Variants in MAML1 observed in about 807,000 individuals in gnomAD.
MAML1 encodes the protein mastermind-like protein 1.
Under a neutral mutation model 77.1 loss-of-function variants are expected in MAML1, and 14 were observed. The observed-to-expected ratio is 0.18, with a 90% CI of 0.12 to 0.28. The LOEUF (loss-of-function observed/expected upper bound fraction) is 0.28, where lower values mean the gene tolerates loss of function less well. MAML1 is among the 10% of genes least tolerant of loss of function. The pLI is 1.00. For missense variants in MAML1, 1,217 were observed against 1,327.8 expected (o/e 0.92, Z 1.30); for synonymous variants, 516 against 551.9 (o/e 0.93, Z 0.91).
At chr5:179,752,056 G>A (rs997281934) in intron 1 of MAML1, among the ~76,000 whole-genome samples, 3 of 150,466 alleles carry the variant, frequency 2.0e-5, no homozygotes, top group African/African-American at 7.3e-5. Flanking sequence ...GGCCCAGTGT[G>A]GTGGCTCACA....
intron 1 of MAML1, among the ~76,000 whole-genome samples, chr5:179,745,573 G>A (rs1415984911): frequency 2.0e-5 from 3 of 149,886 alleles, no homozygotes; most frequent in East Asian, 2.0e-4. Context: ...AAAATTAGCC[G>A]GGCGTGGTCA....
intron 1 of MAML1, 92 bp from the exon 2 acceptor site, chr5:179,765,234 G>A (rs903530922): frequency 2.0e-5 from 22 of 1,089,874 alleles, no homozygotes; most frequent in Non-Finnish European, 2.8e-5. Flanking sequence ...ACCCACTGGC[G>A]AGCATTGCAG....
chr5:179,772,998 C>T (rs1756036833), intron 4 of MAML1, among the ~76,000 whole-genome samples: 1 of 152,244 alleles, frequency 6.6e-6, no homozygotes, highest in Admixed American at 6.5e-5. Flanking sequence ...TCAAGCAATT[C>T]TCCTGCCTCA....
At position 179,777,231 on chromosome 5, in the gene MAML1, T is replaced by G; in HGVS notation, c.*2354T>G. 1 of 966,922 alleles carries G rather than the reference T, an allele frequency of 1.0e-6. No individual in the cohort carries two copies. The highest frequency in any genetic ancestry group is 1.2e-6 in the Non-Finnish European group (1 of 812,896). The allele number at this position is 966,922 out of a possible 1,614,324, so 59.9% of individuals were successfully genotyped here. On this transcript the variant is annotated 3_prime_UTR_variant, in exon 5 of 5. Coordinates refer to ENST00000292599, the MANE Select transcript of MAML1 (RefSeq NM_014757.5). ...TCTGGTATACACCAAAAAGAAATCT[T>G]TACTTTCCTTGTTTTATCATTATAA...
intron 1 of MAML1, among the ~76,000 whole-genome samples, chr5:179,747,339 G>T (rs1470817211): frequency 1.3e-5 from 2 of 152,206 alleles, no homozygotes; most frequent in Admixed American, 1.3e-4. Flanking sequence ...ATGGCTTTGG[G>T]CTAGGACCAG....
chr5:179,749,907 G>T (rs900006254), intron 1 of MAML1, among the ~76,000 whole-genome samples: 1 of 152,190 alleles, frequency 6.6e-6, no homozygotes, highest in African/African-American at 2.4e-5. Context: ...CCCCACCTTG[G>T]CCCTGCCTGG....
At chr5:179,740,112 A>G (rs1197430820) in intron 1 of MAML1, among the ~76,000 whole-genome samples, 2 of 152,210 alleles carry the variant, frequency 1.3e-5, no homozygotes, top group African/African-American at 4.8e-5. Flanking sequence ...TGAAAGTCTT[A>G]GAACATTCCA....
Position 179,775,321 on chromosome 5 carries a change from G to T in MAML1, c.*444G>T. On this transcript the variant is annotated 3_prime_UTR_variant, in exon 5 of 5. Coordinates refer to ENST00000292599, the MANE Select transcript of MAML1 (RefSeq NM_014757.5). ...AGAATTATTTGCAATTTGTAGCATA[G>T]AAAAGATTTTTAAATTTTTTTACAA... is the stretch of plus-strand genomic sequence containing the variant. 1.0e-6 allele frequency: 1 copy of T among 984,548 alleles called. No homozygotes were observed. Among genetic ancestry groups the T allele is most frequent in the Non-Finnish European group, 1.2e-6 (1 of 830,634 alleles). The allele number at this position is 984,548 out of a possible 1,614,324, so 61.0% of individuals were successfully genotyped here. A position where few individuals can be genotyped will look rare whatever the true frequency, so the allele number is the denominator to read the frequency against.
chr5:179,775,591 C>CT lies in MAML1; in HGVS notation c.*715dup. 1 of 985,404 alleles carries CT rather than the reference C, an allele frequency of 1.0e-6. No individual in the cohort carries two copies. The highest frequency in any genetic ancestry group is 1.1e-4 in the East Asian group (1 of 8,808). 61.0% of individuals were successfully genotyped at this position (985,404 alleles called of 1,614,324 possible). ...GCTAGGGTCTTCCTAGCAGCTCCTC[C>CT]TCCTCCCTCCCAAGGCCCCCAGGAA... On this transcript the variant is annotated 3_prime_UTR_variant, in exon 5 of 5. Transcript: ENST00000292599.
At chr5:179,735,846 C>G (rs1277473288) in intron 1 of MAML1, among the ~76,000 whole-genome samples, 7 of 151,836 alleles carry the variant, frequency 4.6e-5, no homozygotes, top group Admixed American at 4.6e-4. Context: ...CACTACCACG[C>G]TTGGCTTATT....
At chr5:179,744,419 C>T (rs1562550547) in intron 1 of MAML1, among the ~76,000 whole-genome samples, 1 of 152,194 alleles carries the variant, frequency 6.6e-6, no homozygotes, top group East Asian at 1.9e-4. Flanking sequence ...ACCTCCTGAC[C>T]TCATGATCCA....
In MAML1 at chr5:179,749,827, C is replaced by T. The variant is rs554973464; in HGVS notation, c.316-15499C>T. ...AGAGGTGAAGGCAGGCCATGGTGAGCTTAGAAACAGGAAGTACAGGGCAGC... is the reference window on the plus strand; with the variant it reads ...AGAGGTGAAGGCAGGCCATGGTGAGTTTAGAAACAGGAAGTACAGGGCAGC... On this transcript the variant is annotated intron_variant, in intron 1 of 4. Coordinates refer to ENST00000292599, the MANE Select transcript of MAML1 (RefSeq NM_014757.5). Among the ~76,000 whole-genome samples, 65 of 152,280 alleles carry T rather than the reference C, an allele frequency of 4.3e-4. No homozygotes were observed. In the South Asian group the frequency reaches 9.1e-3, roughly 21 times the overall value.
In MAML1 at chr5:179,766,033, A is replaced by C. The variant is rs764633954; in HGVS notation, c.1023A>C (p.Leu341=). The C allele has an allele frequency of 1.3e-6, 2 of 1,594,214 alleles. No individual in the cohort carries two copies. Among genetic ancestry groups the C allele is most frequent in the Non-Finnish European group, 1.7e-6 (2 of 1,171,908 alleles). Residue 341 remains leucine (L), a synonymous_variant, in exon 2 of 5, where the codon CTA becomes CTC. Transcript: ENST00000292599. The surrounding 1 kb of genome is among the most constrained non-coding windows in gnomAD (Gnocchi z 4.0). The part of the protein sequence containing the change: ...SAPVSTDSPS[L]GGSQTLFHTS... Reference sequence around the variant, plus strand: ...CTGTGAGTACAGATTCCCCCAGCCTAGGGGGCTCCCAAACCTTATTCCACA... The same window carrying C: ...CTGTGAGTACAGATTCCCCCAGCCTCGGGGGCTCCCAAACCTTATTCCACA...
chr5:179,773,118 C>T (rs940214836), intron 4 of MAML1, among the ~76,000 whole-genome samples: 9 of 152,180 alleles, frequency 5.9e-5, no homozygotes, highest in Non-Finnish European at 1.0e-4. Flanking sequence ...CTCCTGACCT[C>T]GTGATTCGCC....
In MAML1 at chr5:179,775,571, GGTCTTCCTA is replaced by G; in HGVS notation, c.*696_*704del. The stretch of plus-strand genomic sequence containing the variant: ...ATAGCAGGTCTGGTGACACAGCTAG[GGTCTTCCTA>G]GCAGCTCCTCCTCCTCCCTCCCAAG... On this transcript the variant is annotated 3_prime_UTR_variant, in exon 5 of 5. Coordinates refer to ENST00000292599, the MANE Select transcript of MAML1 (RefSeq NM_014757.5). 1.0e-6 allele frequency: 1 copy of G among 985,350 alleles called. No homozygotes were observed. The highest frequency in any genetic ancestry group is 1.2e-6 in the Non-Finnish European group (1 of 829,872). The allele number at this position is 985,350 out of a possible 1,614,324, so 61.0% of individuals were successfully genotyped here. A position where few individuals can be genotyped will look rare whatever the true frequency, so the allele number is the denominator to read the frequency against.
intron 1 of MAML1, among the ~76,000 whole-genome samples, chr5:179,759,012 T>C (rs1185639096): frequency 1.3e-5 from 2 of 152,024 alleles, no homozygotes; most frequent in Non-Finnish European, 2.9e-5. Flanking sequence ...AAAAAAAAAT[T>C]ACAAAGATTG....
intron 1 of MAML1, among the ~76,000 whole-genome samples, chr5:179,758,106 AAACG>A (rs1779657060): frequency 6.6e-6 from 1 of 152,208 alleles, no homozygotes; most frequent in African/African-American, 2.4e-5. Context: ...ATTATTTCAA[AAACG>A]TTTAAATTTA....
intron 1 of MAML1, among the ~76,000 whole-genome samples, chr5:179,745,081 A>G (rs1286653898): frequency 6.6e-6 from 1 of 151,684 alleles, no homozygotes; most frequent in Non-Finnish European, 1.5e-5. Flanking sequence ...TTGTTTTTGT[A>G]TTTTTAGTAG....
intron 1 of MAML1, among the ~76,000 whole-genome samples, chr5:179,743,653 C>T (rs1031529545): frequency 6.6e-6 from 1 of 152,084 alleles, no homozygotes; most frequent in Admixed American, 6.6e-5. Context: ...ATGTGAGCCA[C>T]TGCGCCCGGC....
Sources: gnomAD v4.1 joint callset for allele counts (sites outside exome capture counted in the v4.1 genomes callset) on GRCh38, gnomAD v4.1.1 for gene constraint, Gnocchi (gnomAD v3.1) non-coding constraint, MANE v1.5 for transcripts, NCBI Gene and HGNC (gene_info 2026-07-23, HGNC 2026-07-21) for gene names.